The following RHEB variants were observed in gnomAD, a reference collection of about 807,000 sequenced individuals.
The protein encoded by RHEB is Ras homolog, mTORC1 binding.
A neutral mutation model predicts 28.8 loss-of-function variants in RHEB; 2 were observed. The observed-to-expected ratio is 0.07, with a 90% CI of 0.03 to 0.22. The LOEUF is 0.22. Among genes scored for constraint, RHEB ranks in the 10% least tolerant of loss-of-function variants. The probability of loss-of-function intolerance (pLI) is 1.00; values close to 1 mark genes in which losing one functional copy is unlikely to be tolerated. For synonymous variants in RHEB, 69 were observed against 77.3 expected (o/e 0.89, Z 0.56); for missense variants, 76 against 219.9 (o/e 0.35, Z 4.14).
Position 151,519,738 on chromosome 7 carries a change from C to T in RHEB, c.-227G>A, listed in dbSNP as rs1803150827. ...ACACGCCCACGTGACCGGCCGGCGTCAGCACCGCCCCTCTTCGCGCCGTGG... is the reference window on the plus strand; with the variant it reads ...ACACGCCCACGTGACCGGCCGGCGTTAGCACCGCCCCTCTTCGCGCCGTGG... On this transcript the variant is annotated 5_prime_UTR_variant, in exon 1 of 8. Transcript: ENST00000262187. The T allele has an allele frequency of 8.7e-6, 3 of 345,618 alleles. No individual in the cohort carries two copies. The allele number at this position is 345,618 out of a possible 1,614,324, so 21.4% of individuals were successfully genotyped here.
chr7:151,506,138 A>G (rs1430102256), intron 1 of RHEB, among the ~76,000 whole-genome samples: 1 of 152,288 alleles, frequency 6.6e-6, no homozygotes, highest in African/African-American at 2.4e-5. Flanking sequence ...TTACACCTCA[A>G]TAAACTTGAT....
At chr7:151,519,267 G>A (rs6948477) in intron 1 of RHEB, 193 bp downstream of exon 1, 136,118 of 263,038 alleles carry the variant, frequency 0.52, 35,751 homozygotes, top group East Asian at 0.61. Context: ...CAGCTACCGC[G>A]GCTCCTCCAC....
intron 1 of RHEB, among the ~76,000 whole-genome samples, chr7:151,514,232 G>A (rs145942573): frequency 1.3e-5 from 2 of 152,194 alleles, no homozygotes; most frequent in Non-Finnish European, 2.9e-5. Flanking sequence ...ACCACAAATA[G>A]ATCACAGATC....
chr7:151,519,282 G>A, intron 1 of RHEB, 178 bp downstream of exon 1: 1 of 319,172 alleles, frequency 3.1e-6, no homozygotes, highest in Non-Finnish European at 5.2e-6. Flanking sequence ...CTCCACCGGC[G>A]CGGACGCCGC....
rs538299069 is a variant in RHEB, at chr7:151,497,354, C to T, written c.53-6340G>A. Among the ~76,000 whole-genome samples, 32 of 152,270 alleles carry T rather than the reference C, an allele frequency of 2.1e-4. 1 individual carries two copies. The East Asian group carries it at 5.4e-3, about 26-fold the overall frequency. ...GAGTCCCACTCAAATCTACTGGATG[C>T]GCAATTCCAGAATGGAAGTATGAAC... On this transcript the variant is annotated intron_variant, in intron 1 of 7. Coordinates refer to ENST00000262187, the MANE Select transcript of RHEB (RefSeq NM_005614.4).
At chr7:151,488,619 A>T (rs1346045267) in intron 2 of RHEB, among the ~76,000 whole-genome samples, 1 of 152,236 alleles carries the variant, frequency 6.6e-6, no homozygotes, top group African/African-American at 2.4e-5. Context: ...GGTAAGTAGA[A>T]TATAATGTCT....
intron 6 of RHEB, 43 bp from the exon 7 acceptor site, chr7:151,470,695 A>C (rs767952955): frequency 6.0e-6 from 8 of 1,338,924 alleles, no homozygotes; most frequent in Non-Finnish European, 8.5e-6. Context: ...TTTGCTCTTC[A>C]TTATATAAAA....
In RHEB at chr7:151,472,242, C is replaced by T. The variant is rs2150920786; in HGVS notation, c.276-637G>A. ...ACATCACTGGCTCTACTTTCAAATC[C>T]TACCTAGAATCTGACGGCTTCTCAC... is the stretch of plus-strand genomic sequence containing the variant. On this transcript the variant is annotated intron_variant, in intron 4 of 7. Coordinates refer to ENST00000262187, the MANE Select transcript of RHEB (RefSeq NM_005614.4). The surrounding 1 kb of genome is among the most constrained non-coding windows in gnomAD (Gnocchi z 5.2). Among the ~76,000 whole-genome samples, 1 of 152,314 alleles carries T rather than the reference C, an allele frequency of 6.6e-6. No individual in the cohort carries two copies. Among genetic ancestry groups the T allele is most frequent in the Non-Finnish European group, 1.5e-5 (1 of 68,016 alleles).
chr7:151,467,278 C>CT (rs1802082340), intron 7 of RHEB, 67 bp from the exon 8 acceptor site: 2 of 1,198,688 alleles, frequency 1.7e-6, no homozygotes, highest in Admixed American at 3.6e-5. Flanking sequence ...ATTTTACGGA[C>CT]TGAGGAGGGC....
chr7:151,484,925 G>GAAAAAAA, intron 2 of RHEB, 121 bp from the exon 3 acceptor site: 1 of 620,538 alleles, frequency 1.6e-6, no homozygotes, highest in Admixed American at 2.9e-5. Flanking sequence ...AAGGCCCCAT[G>GAAAAAAA]AAACAAAAAA....
intron 1 of RHEB, among the ~76,000 whole-genome samples, chr7:151,501,568 T>C (rs1280809298): frequency 6.6e-6 from 1 of 152,216 alleles, no homozygotes; most frequent in South Asian, 2.1e-4. Flanking sequence ...ACACTTACCA[T>C]ATGACCCAGC....
Position 151,494,342 on chromosome 7 carries a change from CG to C in RHEB, c.53-3329del, listed in dbSNP as rs1011318235. On this transcript the variant is annotated intron_variant, in intron 1 of 7. Coordinates refer to ENST00000262187, the MANE Select transcript of RHEB (RefSeq NM_005614.4). ...AACCTGACTTGCGGGAGTGAAGGGA[CG>C]GGGGAAAAGAGCCTCAGGAGTTTCC... 1.1e-4 allele frequency among the ~76,000 whole-genome samples: 16 copies of C among 152,058 alleles called. No individual in the cohort carries two copies. In the South Asian group the frequency reaches 1.5e-3, roughly 14 times the overall value.
At chr7:151,473,179 A>C (rs1802194691) in intron 4 of RHEB, among the ~76,000 whole-genome samples, 1 of 152,248 alleles carries the variant, frequency 6.6e-6, no homozygotes, top group Admixed American at 6.5e-5. Flanking sequence ...AGGTTATAAA[A>C]GACAGTGGCT....
At chr7:151,514,246 T>C (rs1413185372) in intron 1 of RHEB, among the ~76,000 whole-genome samples, 3 of 152,338 alleles carry the variant, frequency 2.0e-5, no homozygotes, top group South Asian at 2.1e-4. Flanking sequence ...ACAGATCTAA[T>C]GTAAGAGTTA....
At chr7:151,506,497 T>G (rs1802882548) in intron 1 of RHEB, among the ~76,000 whole-genome samples, 1 of 152,182 alleles carries the variant, frequency 6.6e-6, no homozygotes, top group Non-Finnish European at 1.5e-5. Flanking sequence ...TAAATGAAAA[T>G]GTATACCAAA....
chr7:151,518,390 C>T (rs562571562), intron 1 of RHEB, among the ~76,000 whole-genome samples: 13 of 152,324 alleles, frequency 8.5e-5, no homozygotes, highest in African/African-American at 2.9e-4. Context: ...TCCGCAATCA[C>T]GGGAGCCTCG....
chr7:151,491,664 G>C (rs183335788), intron 1 of RHEB, among the ~76,000 whole-genome samples: 1 of 152,152 alleles, frequency 6.6e-6, no homozygotes, highest in East Asian at 1.9e-4. Context: ...TTGCCCCCAG[G>C]AGGCAGAGGC....
Position 151,468,827 on chromosome 7 carries a change from T to C in RHEB, c.463-1616A>G, listed in dbSNP as rs999752835. Among the ~76,000 whole-genome samples the C allele has an allele frequency of 3.9e-5, 6 of 152,290 alleles. No homozygotes were observed. The highest frequency in any genetic ancestry group is 2.1e-4 in the South Asian group (1 of 4,824). On this transcript the variant is annotated intron_variant, in intron 7 of 7. Coordinates refer to ENST00000262187, the MANE Select transcript of RHEB (RefSeq NM_005614.4). The surrounding 1 kb of genome is among the most constrained non-coding windows in gnomAD (Gnocchi z 4.3). ...AGGTCACCGGCTTCAGATCACCTGATTGACAGGAAGCAGTGTGTAGAGAAA... is the reference window on the plus strand; with the variant it reads ...AGGTCACCGGCTTCAGATCACCTGACTGACAGGAAGCAGTGTGTAGAGAAA...
intron 1 of RHEB, among the ~76,000 whole-genome samples, chr7:151,515,948 G>T (rs1012552978): frequency 6.6e-6 from 1 of 152,134 alleles, no homozygotes; most frequent in African/African-American, 2.4e-5. Flanking sequence ...TTTAATTATG[G>T]TCTAATGGTA....
Sources: allele counts gnomAD v4.1 joint callset (sites outside exome capture counted in the v4.1 genomes callset), GRCh38; gene constraint gnomAD v4.1.1; non-coding constraint Gnocchi (gnomAD v3.1); transcripts MANE v1.5; gene names NCBI Gene and HGNC (gene_info 2026-07-23, HGNC 2026-07-21).